SVOPL: variants seen among roughly 807,000 people sequenced by gnomAD.
The protein encoded by SVOPL is SVOP like.
SVOPL carries 60 observed loss-of-function variants against 61.0 expected under a neutral mutation model. The observed-to-expected ratio is 0.98, with a 90% CI of 0.80 to 1.22. The LOEUF is 1.22. Among genes scored for constraint, SVOPL ranks in the 50% most tolerant of loss-of-function variants. SVOPL has a pLI of 0.00. For missense variants in SVOPL, 662 were observed against 643.9 expected, an observed-to-expected ratio of 1.03 and a Z score of -0.30; for synonymous variants, 279 against 250.0, an observed-to-expected ratio of 1.12 and a Z score of -1.09.
intron 6 of SVOPL, among the ~76,000 whole-genome samples, chr7:138,657,829 C>T (rs1423488229): frequency 6.6e-6 from 1 of 152,144 alleles, no homozygotes; most frequent in Admixed American, 6.5e-5. Flanking sequence ...GAATAATCTC[C>T]TCCAAGGCAC....
chr7:138,596,698 G>A (rs1300830730), intron 14 of SVOPL, 168 bp from the exon 15 acceptor site: 65 of 1,341,016 alleles, frequency 4.8e-5, no homozygotes, highest in Non-Finnish European at 6.0e-5. Flanking sequence ...ATCTGGTGTA[G>A]TCATTTTGTG....
At chr7:138,629,907 A>G in intron 10 of SVOPL, 142 bp downstream of exon 10, 1 of 660,816 alleles carries the variant, frequency 1.5e-6, no homozygotes, top group Admixed American at 2.7e-5. Context: ...TGTTTGTAGA[A>G]AGACAAAACA....
intron 8 of SVOPL, chr7:138,645,725 G>T (rs1801068359): frequency 6.0e-6 from 1 of 166,542 alleles, no homozygotes; most frequent in Non-Finnish European, 1.3e-5. Context: ...CCCCGCCATG[G>T]TTCTCACAAA....
At chr7:138,622,966 T>C (rs1189803669) in intron 13 of SVOPL, among the ~76,000 whole-genome samples, 1 of 152,202 alleles carries the variant, frequency 6.6e-6, no homozygotes, top group Non-Finnish European at 1.5e-5. Flanking sequence ...TATAAAATAC[T>C]GGCAAAACAG....
intron 14 of SVOPL, among the ~76,000 whole-genome samples, chr7:138,609,168 T>C (rs1049068733): frequency 6.6e-6 from 1 of 152,162 alleles, no homozygotes; most frequent in Non-Finnish European, 1.5e-5. Flanking sequence ...GCCAGTGAGA[T>C]TGGCAAAGAT....
intron 9 of SVOPL, among the ~76,000 whole-genome samples, chr7:138,630,339 T>C (rs1333643650): frequency 6.6e-6 from 1 of 152,198 alleles, no homozygotes; most frequent in African/African-American, 2.4e-5. Context: ...TTTCTCATCA[T>C]TGACAGGTAC....
chr7:138,604,092 T>C (rs937600618), intron 14 of SVOPL, among the ~76,000 whole-genome samples: 1 of 151,562 alleles, frequency 6.6e-6, no homozygotes, highest in African/African-American at 2.4e-5. Context: ...GCCTCTCAAG[T>C]AGCTGGGACT....
chr7:138,654,842 C>T (rs1044973739), intron 7 of SVOPL, among the ~76,000 whole-genome samples: 1 of 150,398 alleles, frequency 6.6e-6, no homozygotes, highest in African/African-American at 2.5e-5. Flanking sequence ...ATAGTGAGAC[C>T]ACATTTTCAC....
At chr7:138,624,847 G>A (rs1387060141) in intron 13 of SVOPL, among the ~76,000 whole-genome samples, 2 of 151,872 alleles carry the variant, frequency 1.3e-5, no homozygotes, top group African/African-American at 4.8e-5. Context: ...ACAATTACAG[G>A]TACATGCCCC....
At position 138,599,151 on chromosome 7, in the gene SVOPL, AAAAAAACC is replaced by A. The variant is rs1426463521; in HGVS notation, c.1354-2629_1354-2622del. On this transcript the variant is annotated intron_variant, in intron 14 of 15. Transcript: ENST00000674285. ...AGTGAGATCCGTCTCCAAAAAAAAAAAAAAAACCAAAAAAAAAAGAAATACAGAAATGT... is the reference window on the plus strand; with the variant it reads ...AGTGAGATCCGTCTCCAAAAAAAAAAAAAAAAAAAAGAAATACAGAAATGT... Among the ~76,000 whole-genome samples, 31 of 59,964 alleles carry A rather than the reference AAAAAAACC, an allele frequency of 5.2e-4. 2 individuals are homozygous for A. Among genetic ancestry groups the A allele is most frequent in the African/African-American group, 2.3e-3 (14 of 6,034 alleles). The allele number at this position is 59,964 out of a possible 152,430, so 39.3% of individuals were successfully genotyped here.
chr7:138,647,532 G>A (rs1801178920), intron 8 of SVOPL, among the ~76,000 whole-genome samples: 1 of 151,630 alleles, frequency 6.6e-6, no homozygotes, highest in Admixed American at 6.6e-5. Context: ...CTGGAGATGG[G>A]ATATACTGTT....
chr7:138,639,397 TG>T (rs1218845642), intron 9 of SVOPL, among the ~76,000 whole-genome samples: 1 of 150,376 alleles, frequency 6.6e-6, no homozygotes, highest in African/African-American at 2.5e-5. Context: ...GAGGCTGAGG[TG>T]GGTGGGCCAC....
At chr7:138,652,480 C>T (rs1395344223) in intron 7 of SVOPL, among the ~76,000 whole-genome samples, 2 of 152,110 alleles carry the variant, frequency 1.3e-5, no homozygotes, top group African/African-American at 4.8e-5. Context: ...GCTGCCACAC[C>T]CAGCCACATC....
rs370151421 is a variant in SVOPL at position 138,663,206 on chromosome 7, G to A, written c.274-61C>T. ...CAGGTTTTACATGTTACTTTACCCC[G>A]TTAGCCATTTTCACTAGAAGTAGGC... On this transcript the variant is annotated intron_variant, in intron 4 of 15. Coordinates refer to ENST00000674285, the MANE Select transcript of SVOPL (RefSeq NM_001139456.2). The A allele has an allele frequency of 1.2e-5, 19 of 1,575,630 alleles. No homozygotes were observed. In the African/African-American group the frequency reaches 1.3e-4, roughly 11 times the overall value.
At chr7:138,682,651 T>G (rs569687048) in intron 1 of SVOPL, among the ~76,000 whole-genome samples, 5 of 151,982 alleles carry the variant, frequency 3.3e-5, no homozygotes, top group African/African-American at 1.2e-4. Flanking sequence ...TTCAAACAAA[T>G]CAACTATAAA....
chr7:138,663,183 G>A, intron 4 of SVOPL, 38 bp from the exon 5 acceptor site: 2 of 1,600,368 alleles, frequency 1.2e-6, no homozygotes, highest in Non-Finnish European at 1.7e-6. Context: ...TCTCTAAGCA[G>A]GTTTTACATG....
chr7:138,634,757 G>C (rs1283339633), intron 9 of SVOPL, among the ~76,000 whole-genome samples: 1 of 151,664 alleles, frequency 6.6e-6, no homozygotes, highest in Non-Finnish European at 1.5e-5. Context: ...GAGCCCAGGA[G>C]TTCAAGACCA....
At chr7:138,648,958 G>C in intron 8 of SVOPL, 54 bp downstream of exon 8, 1 of 1,607,896 alleles carries the variant, frequency 6.2e-7, no homozygotes, top group Admixed American at 1.7e-5. Flanking sequence ...GGGCATGAAG[G>C]CCACTGGACC....
chr7:138,635,978 G>T (rs1227686063), intron 9 of SVOPL, among the ~76,000 whole-genome samples: 1 of 152,144 alleles, frequency 6.6e-6, no homozygotes, highest in East Asian at 1.9e-4. Context: ...TGTCACAGTG[G>T]CGCAATCTCA....
Sources: allele counts gnomAD v4.1 joint callset (sites outside exome capture counted in the v4.1 genomes callset), GRCh38; gene constraint gnomAD v4.1.1; transcripts MANE v1.5; gene names NCBI Gene and HGNC (gene_info 2026-07-23, HGNC 2026-07-21).